Variants in PTK2 observed in about 807,000 individuals in gnomAD.
PTK2 encodes the protein protein tyrosine kinase 2, also known as focal adhesion kinase 1.
A neutral mutation model predicts 150.1 loss-of-function variants in PTK2; 45 were observed. The observed-to-expected ratio is 0.30, with a 90% confidence interval of 0.24 to 0.38. The LOEUF (loss-of-function observed/expected upper bound fraction) is 0.38, where lower values mean the gene tolerates loss of function less well. Among genes scored for constraint, PTK2 ranks in the 10% least tolerant of loss-of-function variants. PTK2 has a pLI of 1.00. For missense variants in PTK2, 919 were observed against 1,307.3 expected (o/e 0.70, Z 4.58); for synonymous variants, 432 against 449.2 (o/e 0.96, Z 0.48).
At chr8:140,826,634 G>A (rs2100111909) in intron 8 of PTK2, among the ~76,000 whole-genome samples, 1 of 152,158 alleles carries the variant, frequency 6.6e-6, no homozygotes, top group African/African-American at 2.4e-5. Context: ...TGGTTTTCTG[G>A]ACTGGGTGTG....
intron 26 of PTK2, among the ~76,000 whole-genome samples, chr8:140,697,134 CG>C (rs1428921221): frequency 0.029 from 2,147 of 75,082 alleles, 809 homozygotes; most frequent in Middle Eastern, 0.16. Flanking sequence ...ACCCTGTTTC[CG>C]GGAAAAAAAA....
chr8:140,925,571 A>T, intron 2 of PTK2, 90 bp downstream of exon 2: 1 of 753,212 alleles, frequency 1.3e-6, no homozygotes, highest in Non-Finnish European at 1.6e-6. Flanking sequence ...CCTTCCAAAG[A>T]CAGACAACAG....
chr8:140,752,260 G>A, exon 17 of PTK2: 3 of 1,613,956 alleles, frequency 1.9e-6, no homozygotes, highest in Non-Finnish European at 2.5e-6. Flanking sequence ...TCTCTCTCAC[G>A]CTGTCCGAAG....
At chr8:140,926,227 T>C (rs1337203805) in intron 1 of PTK2, among the ~76,000 whole-genome samples, 1 of 152,198 alleles carries the variant, frequency 6.6e-6, no homozygotes, top group African/African-American at 2.4e-5. Flanking sequence ...TAGATGATAT[T>C]ACAATCCATG....
intron 26 of PTK2, among the ~76,000 whole-genome samples, chr8:140,695,554 G>A (rs1341094588): frequency 1.3e-5 from 2 of 152,106 alleles, no homozygotes; most frequent in Non-Finnish European, 2.9e-5. Context: ...GGGATTACAG[G>A]AGAGTGCCAC....
chr8:140,960,311 G>GC (rs11378928), intron 1 of PTK2, among the ~76,000 whole-genome samples: 151,066 of 151,066 alleles, frequency 1, 75,533 homozygotes, highest in Non-Finnish European at 1. Context: ...CAATTCTCCT[G>GC]CTCAGCCTCC....
intron 1 of PTK2, among the ~76,000 whole-genome samples, chr8:140,973,333 G>A (rs747467088): frequency 3.3e-5 from 5 of 152,128 alleles, no homozygotes; most frequent in Admixed American, 6.5e-5. Flanking sequence ...GGATGGGGCT[G>A]GAGAGTAAGC....
At chr8:140,789,350 G>A (rs2095517498) in intron 14 of PTK2, 124 bp downstream of exon 14, 3 of 848,400 alleles carry the variant, frequency 3.5e-6, no homozygotes, top group Non-Finnish European at 5.1e-6. Flanking sequence ...TGCAAATTTG[G>A]ATAGCCAGAA....
chr8:140,744,784 CA>C lies in PTK2; in HGVS notation c.1519-18del. On this transcript the variant is annotated intron_variant, in intron 18 of 31. Coordinates refer to ENST00000522684, the Ensembl canonical transcript of PTK2. ...TGACCTCAGCTTTTGGAACAATGAC[CA>C]AAAGAAAAAAAAAAAAAAAAGAATT... 1.3e-6 allele frequency: 1 copy of C among 773,306 alleles called. No individual in the cohort carries two copies. The highest frequency in any genetic ancestry group is 1.8e-6 in the Non-Finnish European group (1 of 552,818). 47.9% of individuals were successfully genotyped at this position (773,306 alleles called of 1,614,324 possible).
chr8:140,980,417 T>G (rs2100190990), intron 1 of PTK2, among the ~76,000 whole-genome samples: 1 of 151,958 alleles, frequency 6.6e-6, no homozygotes, highest in Non-Finnish European at 1.5e-5. Context: ...GGTCAGGAGA[T>G]CGAGACCATC....
chr8:140,868,613 A>T (rs1041265051), intron 4 of PTK2, among the ~76,000 whole-genome samples: 2 of 152,224 alleles, frequency 1.3e-5, no homozygotes, highest in Non-Finnish European at 2.9e-5. Context: ...TTGTGCCATC[A>T]TTATGGACTT....
At chr8:140,976,508 A>T (rs1048166213) in intron 1 of PTK2, among the ~76,000 whole-genome samples, 9 of 152,250 alleles carry the variant, frequency 5.9e-5, no homozygotes, top group African/African-American at 2.2e-4. Flanking sequence ...AAAATTAAAC[A>T]GCTTAATTAA....
chr8:140,678,848 A>C (rs1307256406), intron 27 of PTK2, among the ~76,000 whole-genome samples: 1 of 151,958 alleles, frequency 6.6e-6, no homozygotes, highest in Non-Finnish European at 1.5e-5. Flanking sequence ...AAACGGGCCA[A>C]TACTTTAACA....
chr8:140,752,195 G>A, intron 17 of PTK2, 37 bp downstream of exon 20: 1 of 1,520,774 alleles, frequency 6.6e-7, no homozygotes, highest in South Asian at 1.1e-5. Context: ...CAGATAGAAA[G>A]TCAAATGGAG....
chr8:140,747,985 G>A (rs1335562143), intron 17 of PTK2, among the ~76,000 whole-genome samples: 1 of 152,074 alleles, frequency 6.6e-6, no homozygotes, highest in East Asian at 1.9e-4. Context: ...TGGGGGAGGA[G>A]GTGAAATGGG....
intron 27 of PTK2, among the ~76,000 whole-genome samples, chr8:140,686,032 C>T (rs767435904): frequency 2.0e-5 from 3 of 152,212 alleles, no homozygotes; most frequent in Non-Finnish European, 4.4e-5. Flanking sequence ...GGTATGTATA[C>T]ACTATGGAAT....
At chr8:140,917,909 G>A (rs2100165940) in intron 2 of PTK2, among the ~76,000 whole-genome samples, 1 of 152,220 alleles carries the variant, frequency 6.6e-6, no homozygotes. Context: ...GAGAGCACTG[G>A]AGTGAGATTC....
chr8:140,890,486 CCATTA>C (rs893475838), intron 3 of PTK2, 52 bp downstream of exon 3: 1 of 1,387,564 alleles, frequency 7.2e-7, no homozygotes, highest in Non-Finnish European at 1.0e-6. Context: ...TTCATACATG[CCATTA>C]CATTTTAACC....
chr8:140,911,489 T>C (rs1280234932), intron 2 of PTK2, among the ~76,000 whole-genome samples: 1 of 152,190 alleles, frequency 6.6e-6, no homozygotes, highest in Non-Finnish European at 1.5e-5. Context: ...TTTTCAGAAA[T>C]GCAATGTTAA....
Sources: allele counts gnomAD v4.1 joint callset (sites outside exome capture counted in the v4.1 genomes callset), GRCh38; gene constraint gnomAD v4.1.1; transcripts MANE v1.5; gene names NCBI Gene and HGNC (gene_info 2026-07-23, HGNC 2026-07-21).